Variants in MX1 observed in about 807,000 individuals in gnomAD.
MX1 encodes the protein MX dynamin like GTPase 1, also known as interferon-induced GTP-binding protein Mx1.
A neutral mutation model predicts 66.4 loss-of-function variants in MX1; 66 were observed. The ratio of observed to expected loss-of-function variants is 0.99; its 90% CI spans 0.82 to 1.22. The LOEUF (loss-of-function observed/expected upper bound fraction) is 1.22, where lower values mean the gene tolerates loss of function less well. MX1 is among the 50% of genes most tolerant of loss of function. The probability of loss-of-function intolerance (pLI) is 0.00; values close to 1 mark genes in which losing one functional copy is unlikely to be tolerated. For missense variants in MX1, 787 were observed against 834.3 expected (o/e 0.94, Z 0.70); for synonymous variants, 311 against 318.1 (o/e 0.98, Z 0.24).
intron 8 of MX1, 23 bp downstream of exon 8, chr21:41,439,871 A>T: frequency 6.4e-7 from 1 of 1,558,156 alleles, no homozygotes; most frequent in South Asian, 1.1e-5. Flanking sequence ...ACCCATTCTG[A>T]CCTTGGCCGT....
rs199749966 is a variant in MX1 at position 41,431,238 on chromosome 21, G to A, written c.-22+630G>A. On this transcript the variant is annotated intron_variant, in intron 4 of 16. Coordinates refer to ENST00000398598, the MANE Select transcript of MX1 (RefSeq NM_002462.5). ...GGGTTTCACTATGTTGGCCAAGCTC[G>A]CTTCGAACTCCTGACCTCAGGTGAT... is the stretch of plus-strand genomic sequence containing the variant. 2.5e-4 allele frequency among the ~76,000 whole-genome samples: 38 copies of A among 152,270 alleles called. No homozygotes were observed. In the East Asian group the frequency reaches 5.8e-3, roughly 23 times the overall value.
Position 41,436,028 on chromosome 21 carries a change from C to T in MX1, c.297C>T (p.Ser99=), listed in dbSNP as rs149433993. 1,840 of 1,613,792 alleles carry T rather than the reference C, an allele frequency of 1.1e-3. 4 individuals are homozygous for T. The highest frequency in any genetic ancestry group is 1.1e-3 in the African/African-American group (79 of 75,048). ...ALSGVALPRG[S]GIVTRCPLVL... Reference sequence around the variant, plus strand: ...CAGGAGTTGCCCTTCCCAGAGGCAGCGGTAAGAACTTACATTCTGTGTTAG... The same window carrying T: ...CAGGAGTTGCCCTTCCCAGAGGCAGTGGTAAGAACTTACATTCTGTGTTAG... The change falls in exon 6 of 17, where the codon AGC becomes AGT. Residue 99 remains serine (S), a splice_region_variant and synonymous_variant. Transcript: ENST00000398598.
At chr21:41,451,844 A>G (rs1035394727) in intron 15 of MX1, among the ~76,000 whole-genome samples, 1 of 144,900 alleles carries the variant, frequency 6.9e-6, no homozygotes, top group African/African-American at 2.7e-5. Context: ...CAAAAAAAAA[A>G]AAAAAAACAA....
intron 13 of MX1, among the ~76,000 whole-genome samples, 167 bp downstream of exon 13, chr21:41,446,308 T>A (rs574570787): frequency 6.6e-6 from 1 of 152,256 alleles, no homozygotes; most frequent in Admixed American, 6.5e-5. Flanking sequence ...GCTTCAAAGA[T>A]GGCACCTTCT....
rs1317406112 is a variant in MX1 at position 41,437,162 on chromosome 21, C to T, written c.436+10C>T. On this transcript the variant is annotated intron_variant, in intron 7 of 16. Coordinates refer to ENST00000398598, the MANE Select transcript of MX1 (RefSeq NM_002462.5). ...AAGGAAATTAATAAAGGTGAGTACC[C>T]CCTGTTTGGATGCCTGGTCAAGCCT... 1 of 1,613,564 alleles carries T rather than the reference C, an allele frequency of 6.2e-7. No individual in the cohort carries two copies. The highest frequency in any genetic ancestry group is 1.7e-5 in the Admixed American group (1 of 59,974).
Position 41,449,193 on chromosome 21 carries a change from G to A in MX1, c.1330G>A (p.Glu444Lys), listed in dbSNP as rs758633482. 6.2e-7 allele frequency: 1 copy of A among 1,613,988 alleles called. No individual in the cohort carries two copies. Among genetic ancestry groups the A allele is most frequent in the Non-Finnish European group, 8.5e-7 (1 of 1,179,992 alleles). Residue 444 changes from glutamate (E) to lysine (K), a missense_variant, in exon 14 of 17, where the codon GAG (glutamate) becomes AAG (lysine). Coordinates refer to ENST00000398598, the MANE Select transcript of MX1 (RefSeq NM_002462.5). ...QKFENQYRGR[E>K]LPGFVNYRTF... is the part of the protein sequence containing the mutation. ...ATTTGAAAATCAGTATCGTGGTAGAGAGCTGCCAGGCTTTGTGAATTACAG... is the reference window on the plus strand; with the variant it reads ...ATTTGAAAATCAGTATCGTGGTAGAAAGCTGCCAGGCTTTGTGAATTACAG...
intron 16 of MX1, among the ~76,000 whole-genome samples, chr21:41,453,366 C>T (rs914437552): frequency 1.3e-5 from 2 of 152,226 alleles, no homozygotes; most frequent in Non-Finnish European, 2.9e-5. Flanking sequence ...CAAACCATAT[C>T]GCCTTCGTAG....
intron 10 of MX1, 106 bp from the exon 11 acceptor site, chr21:41,443,682 A>G: frequency 9.6e-6 from 9 of 938,486 alleles, no homozygotes; most frequent in Non-Finnish European, 1.6e-5. Context: ...CATTCCATCC[A>G]GTTGTAAGCA....
At chr21:41,436,167 G>A (rs1022999522) in intron 6 of MX1, 138 bp downstream of exon 6, 6 of 1,044,982 alleles carry the variant, frequency 5.7e-6, no homozygotes, top group Non-Finnish European at 8.1e-6. Context: ...AGCTTCTCCT[G>A]AGGCCTTTCT....
chr21:41,424,422 C>G (rs372180350), upstream of MX1, among the ~76,000 whole-genome samples: 6 of 152,326 alleles, frequency 3.9e-5, no homozygotes, highest in South Asian at 2.1e-4. Flanking sequence ...GCTCCTCCCC[C>G]TCTTGTAGGT....
chr21:41,452,922 G>T, intron 16 of MX1, 53 bp downstream of exon 16: 2 of 1,594,444 alleles, frequency 1.3e-6, no homozygotes, highest in South Asian at 1.1e-5. Context: ...CTTTTCTTCT[G>T]AACGCCTCTC....
chr21:41,443,864 T>C lies in MX1; in HGVS notation c.1006T>C (p.Cys336Arg). The change falls in exon 11 of 17, where the codon TGT (cysteine) becomes CGT (arginine). Residue 336 changes from cysteine to arginine, a missense_variant and splice_region_variant. Transcript: ENST00000398598. ...KLTSELITHI[C>R]KSLPLLENQI... ...TACCAGCGAGCTCATCACACATATCTGTGTAAGCACGGGCAGAGCTGTGGG... is the reference window on the plus strand; with the variant it reads ...TACCAGCGAGCTCATCACACATATCCGTGTAAGCACGGGCAGAGCTGTGGG... 1 of 1,613,844 alleles carries C rather than the reference T, an allele frequency of 6.2e-7. No homozygotes were observed. Among genetic ancestry groups the C allele is most frequent in the South Asian group, 1.1e-5 (1 of 91,080 alleles).
chr21:41,458,734 C>T lies in MX1; in HGVS notation c.1965C>T (p.Arg655=). Residue 655 remains arginine, a synonymous_variant, in exon 17 of 17, where the codon CGC becomes CGT. Transcript: ENST00000398598. ...TTGCACGGCTGACGCAGGCTCGGCGCCGGCTTGCCCAGTTCCCCGGTTAAC... is the reference window on the plus strand; with the variant it reads ...TTGCACGGCTGACGCAGGCTCGGCGTCGGCTTGCCCAGTTCCCCGGTTAAC... ...ERLARLTQAR[R]RLAQFPG 1 of 1,613,050 alleles carries T rather than the reference C, an allele frequency of 6.2e-7. No homozygotes were observed. The highest frequency in any genetic ancestry group is 2.2e-5 in the East Asian group (1 of 44,878).
intron 5 of MX1, 47 bp downstream of exon 5, chr21:41,432,222 C>A: frequency 6.4e-7 from 1 of 1,555,068 alleles, no homozygotes; most frequent in Non-Finnish European, 8.9e-7. Context: ...TGAGCCATGC[C>A]CATTCGAGGC....
At position 41,458,812 on chromosome 21, in the gene MX1, C is replaced by G; in HGVS notation, c.*54C>G. ...CACGCACACTGTCTGCCCCCGTTCC[C>G]GGGTAGCCACTGGACTGACGACTTG... On this transcript the variant is annotated 3_prime_UTR_variant, in exon 17 of 17. Transcript: ENST00000398598. 1 of 1,567,054 alleles carries G rather than the reference C, an allele frequency of 6.4e-7. No individual in the cohort carries two copies. The highest frequency in any genetic ancestry group is 8.6e-7 in the Non-Finnish European group (1 of 1,159,402).
intron 1 of MX1, chr21:41,420,922 G>C (rs1164326318): frequency 2.0e-5 from 3 of 152,316 alleles, no homozygotes. Flanking sequence ...TAGGTGGAAG[G>C]AGAGACTTGG....
At chr21:41,440,751 T>C in intron 8 of MX1, 136 bp from the exon 9 acceptor site, 1 of 1,020,984 alleles carries the variant, frequency 9.8e-7, no homozygotes, top group Non-Finnish European at 1.5e-6. Context: ...GTGGGTTCAT[T>C]TCTCCAAAGT....
chr21:41,438,644 G>A (rs1330870599), intron 7 of MX1, among the ~76,000 whole-genome samples: 7 of 152,214 alleles, frequency 4.6e-5, no homozygotes, highest in South Asian at 2.1e-4. Flanking sequence ...TCAAGGGACC[G>A]ATTTTCTCTC....
intron 13 of MX1, among the ~76,000 whole-genome samples, chr21:41,446,901 G>A (rs1262071697): frequency 6.6e-6 from 1 of 152,220 alleles, no homozygotes; most frequent in African/African-American, 2.4e-5. Flanking sequence ...ACAGAGAAGA[G>A]TGGGGCAGTT....
Sources: gnomAD v4.1 joint callset for allele counts (sites outside exome capture counted in the v4.1 genomes callset) on GRCh38, gnomAD v4.1.1 for gene constraint, MANE v1.5 for transcripts, NCBI Gene and HGNC (gene_info 2026-07-23, HGNC 2026-07-21) for gene names.